SENP3: variants seen among roughly 807,000 people sequenced by gnomAD.
SENP3 encodes the protein sentrin-specific protease 3.
SENP3 carries 11 observed loss-of-function variants against 66.2 expected under a neutral mutation model. The ratio of observed to expected loss-of-function variants is 0.17; its 90% confidence interval spans 0.10 to 0.28. The LOEUF (loss-of-function observed/expected upper bound fraction) is 0.28. SENP3 is among the 10% of genes least tolerant of loss of function. The pLI, the probability that SENP3 is intolerant of heterozygous loss-of-function variation, is 1.00. For synonymous variants in SENP3, 292 were observed against 277.6 expected, an observed-to-expected ratio of 1.05 and a Z score of -0.52; for missense variants, 548 against 743.7, an observed-to-expected ratio of 0.74 and a Z score of 3.06.
rs1214801996 is a variant in SENP3, at chr17:7,563,476, C to A, written c.400C>A (p.Arg134=). The part of the protein sequence containing the change: ...QRRRRAMRAF[R]MLLYSKSTSL... ...CCGCCGCCGAGCCATGAGAGCCTTCCGGATGCTGCTCTACTCAAAAAGCAC... is the reference window on the plus strand; with the variant it reads ...CCGCCGCCGAGCCATGAGAGCCTTCAGGATGCTGCTCTACTCAAAAAGCAC... The change falls in exon 2 of 11, where the codon CGG becomes AGG. Residue 134 remains arginine, a synonymous_variant. Coordinates refer to ENST00000321337, the MANE Select transcript of SENP3 (RefSeq NM_015670.6). 1 of 1,550,170 alleles carries A rather than the reference C, an allele frequency of 6.5e-7. No individual in the cohort carries two copies. The highest frequency in any genetic ancestry group is 2.0e-5 in the Admixed American group (1 of 50,976).
At chr17:7,569,098 T>A (rs897490379) in intron 7 of SENP3, among the ~76,000 whole-genome samples, 1 of 152,028 alleles carries the variant, frequency 6.6e-6, no homozygotes, top group Admixed American at 6.6e-5. Flanking sequence ...AGAAGATTTG[T>A]TTTTTTGCCG....
chr17:7,564,454 A>G, intron 2 of SENP3, 171 bp from the exon 3 acceptor site: 1 of 875,214 alleles, frequency 1.1e-6, no homozygotes, highest in Non-Finnish European at 1.9e-6. Context: ...GGACATGTTT[A>G]TCTCATGCTT....
Position 7,570,379 on chromosome 17 carries a change from A to T in SENP3, c.1365A>T (p.Leu455=). 6.2e-7 allele frequency: 1 copy of T among 1,613,796 alleles called. No homozygotes were observed. Among genetic ancestry groups the T allele is most frequent in the African/African-American group, 1.3e-5 (1 of 75,036 alleles). The stretch of plus-strand genomic sequence containing the variant: ...AGGTGGACATCTTCAATAAGGAGCT[A>T]CTGCTAATCCCCATCCACCTGGAGG... The part of the protein sequence containing the change: ...TKNVDIFNKE[L]LLIPIHLEVH... The change falls in exon 8 of 11, where the codon CTA becomes CTT. Residue 455 remains leucine (L), a synonymous_variant. Coordinates refer to ENST00000321337, the MANE Select transcript of SENP3 (RefSeq NM_015670.6). The surrounding 1 kb of genome is among the most constrained non-coding windows in gnomAD (Gnocchi z 5.4).
In SENP3 at chr17:7,570,498, G is replaced by C. The variant is rs754506042; in HGVS notation, c.1479+5G>C. ...CTAAACCGCCGCTGCCCTAAGGTTT[G>C]AGGGGGTAGGAGAGAGATGGGCAAA... On this transcript the variant is annotated splice_donor_5th_base_variant and intron_variant, in intron 8 of 10. Coordinates refer to ENST00000321337, the MANE Select transcript of SENP3 (RefSeq NM_015670.6). This position sits in a 1 kb window ranked among gnomAD's most constrained non-coding sequence, Gnocchi z 5.4. 6.2e-7 allele frequency: 1 copy of C among 1,609,930 alleles called. No individual in the cohort carries two copies. Among genetic ancestry groups the C allele is most frequent in the Non-Finnish European group, 8.5e-7 (1 of 1,177,926 alleles).
chr17:7,563,140 C>T lies in SENP3; in HGVS notation c.64C>T (p.Pro22Ser), dbSNP rs1321024454. 6.5e-7 allele frequency: 1 copy of T among 1,541,248 alleles called. No individual in the cohort carries two copies. Among genetic ancestry groups the T allele is most frequent in the East Asian group, 2.3e-5 (1 of 44,302 alleles). The change falls in exon 2 of 11, where the codon CCA (proline) becomes TCA (serine). Residue 22 changes from proline (P) to serine (S), a missense_variant. Around this residue, in one of 6 missense-constraint regions of SENP3, gnomAD observed 164 missense variants for 167.9 expected, o/e 0.98. Transcript: ENST00000321337. ...TGAGCCTCCTGGACCCGGCATACCC[C>T]CAGCTTACTCAAGTCCCAGGCGGGA... Reference protein sequence around the residue: ...GPEPPGPGIPPAYSSPRRERL... With the variant: ...GPEPPGPGIPSAYSSPRRERL...
rs527778837 is a variant in SENP3 at position 7,567,515 on chromosome 17, G to A, written c.1341+511G>A. On this transcript the variant is annotated intron_variant, in intron 7 of 10. Coordinates refer to ENST00000321337, the MANE Select transcript of SENP3 (RefSeq NM_015670.6). ...GCCTGGGCAACAAGAGCAAAACTCC[G>A]TCTCAAAAAAAAAAAAAAATCACAG... Among the ~76,000 whole-genome samples, 18 of 147,760 alleles carry A rather than the reference G, an allele frequency of 1.2e-4. No individual in the cohort carries two copies. The South Asian group carries it at 3.0e-3, about 24-fold the overall frequency.
In SENP3 at chr17:7,562,847, A is replaced by G. The variant is rs898386707; in HGVS notation, c.-11-219A>G. 1.3e-5 allele frequency among the ~76,000 whole-genome samples: 2 copies of G among 152,098 alleles called. No homozygotes were observed. The highest frequency in any genetic ancestry group is 2.9e-5 in the Non-Finnish European group (2 of 68,008). ...GATCTCTGAGGCCTGCTGCTTAGCC[A>G]TTTTCCCTTGTCTCTGGACTGGGGA... On this transcript the variant is annotated intron_variant, in intron 1 of 10. Coordinates refer to ENST00000321337, the MANE Select transcript of SENP3 (RefSeq NM_015670.6). The surrounding 1 kb of genome is among the most constrained non-coding windows in gnomAD (Gnocchi z 5.0).
chr17:7,564,286 A>G (rs2071249921), intron 2 of SENP3: 1 of 432,848 alleles, frequency 2.3e-6, no homozygotes, highest in Admixed American at 3.5e-5. Flanking sequence ...TACATATTCT[A>G]GTATTCATTG....
At chr17:7,565,095 A>T (rs762443721) in intron 4 of SENP3, 25 bp downstream of exon 4, 16 of 1,528,776 alleles carry the variant, frequency 1.0e-5, no homozygotes, top group Non-Finnish European at 1.4e-5. Context: ...CCCTCCTTGA[A>T]AGAAGGGCTG....
intron 2 of SENP3, among the ~76,000 whole-genome samples, chr17:7,564,185 A>G (rs989215222): frequency 6.6e-6 from 1 of 152,222 alleles, no homozygotes; most frequent in African/African-American, 2.4e-5. Context: ...GATCTCTCCC[A>G]GTAGTGGAGT....
chr17:7,567,948 G>A (rs1473029262), intron 7 of SENP3, among the ~76,000 whole-genome samples: 1 of 151,978 alleles, frequency 6.6e-6, no homozygotes, highest in Non-Finnish European at 1.5e-5. Flanking sequence ...GTCCAGGTGA[G>A]AAACTTGAAC....
At chr17:7,564,449 T>C in intron 2 of SENP3, 176 bp from the exon 3 acceptor site, 1 of 841,712 alleles carries the variant, frequency 1.2e-6, no homozygotes, top group South Asian at 1.4e-5. Flanking sequence ...CTCTTGGACA[T>C]GTTTATCTCA....
At position 7,565,861 on chromosome 17, in the gene SENP3, G is replaced by A. The variant is rs1021333215; in HGVS notation, c.1263+97G>A. On this transcript the variant is annotated intron_variant, in intron 6 of 10. Transcript: ENST00000321337. ...ATCTCTTTCATTTTACACAGAGAGG[G>A]TCTCTGTTTCAGGGAGAGAGGTGGT... 6.5e-6 allele frequency: 7 copies of A among 1,069,442 alleles called. No individual in the cohort carries two copies. In the African/African-American group the frequency reaches 9.5e-5, roughly 14 times the overall value. 66.2% of individuals were successfully genotyped at this position (1,069,442 alleles called of 1,614,324 possible).
rs776289126 is a variant in SENP3, at chr17:7,571,467, G to A, written c.1709G>A (p.Cys570Tyr). Residue 570 changes from cysteine (C) to tyrosine (Y), a missense_variant, in exon 11 of 11, where the codon TGC (cysteine) becomes TAC (tyrosine). By Grantham distance (194) the Cys-to-Tyr change is radical. Around this residue, in one of 6 missense-constraint regions of SENP3, gnomAD observed 81 missense variants for 139.8 expected, o/e 0.58. Coordinates refer to ENST00000321337, the MANE Select transcript of SENP3 (RefSeq NM_015670.6). ...CAGATCTACAAGGAGCTGTGTCACT[G>A]CAAACTCACTGTGTGAGCCTCGTAC... ...RRQIYKELCH[C>Y]KLTV is the part of the protein sequence containing the mutation. The A allele has an allele frequency of 1.2e-6, 2 of 1,613,226 alleles. No homozygotes were observed. The highest frequency in any genetic ancestry group is 1.7e-6 in the Non-Finnish European group (2 of 1,179,390).
At position 7,571,837 on chromosome 17, in the gene SENP3, T is replaced by TTATTTATATATATATA. The variant is rs2071318927; in HGVS notation, c.*357_*358insTTATATATATATATAT. ...CACTGCCTGCCAGATCTTCAAACTTTTATATATATATATATATATATATAT... is the reference window on the plus strand; with the variant it reads ...CACTGCCTGCCAGATCTTCAAACTTTTATTTATATATATATATATATATATATATATATATATATAT... On this transcript the variant is annotated 3_prime_UTR_variant, in exon 11 of 11. Transcript: ENST00000321337. 3.3e-5 allele frequency: 1 copy of TTATTTATATATATATA among 30,476 alleles called. No homozygotes were observed. Among genetic ancestry groups the TTATTTATATATATATA allele is most frequent in the Non-Finnish European group, 6.1e-5 (1 of 16,298 alleles). 1.9% of individuals were successfully genotyped at this position (30,476 alleles called of 1,614,324 possible).
At chr17:7,566,583 T>G (rs1426749238) in intron 6 of SENP3, among the ~76,000 whole-genome samples, 2 of 151,088 alleles carry the variant, frequency 1.3e-5, no homozygotes, top group East Asian at 3.9e-4. Context: ...GGAGAATCGC[T>G]TGAACCCGGG....
intron 4 of SENP3, 69 bp downstream of exon 4, chr17:7,565,139 T>C: frequency 8.5e-7 from 1 of 1,176,046 alleles, no homozygotes; most frequent in Middle Eastern, 2.1e-4. Context: ...TACTGCTGCC[T>C]TTTCTTCCAT....
chr17:7,565,840 C>G, intron 6 of SENP3, 76 bp downstream of exon 6: 1 of 1,302,716 alleles, frequency 7.7e-7, no homozygotes, highest in South Asian at 1.2e-5. Flanking sequence ...CCTTTCATCT[C>G]TTTCATTTTA....
rs1381820164 is a variant in SENP3, at chr17:7,571,865, A to T, written c.*382A>T. 1 of 4,552 alleles carries T rather than the reference A, an allele frequency of 2.2e-4. No individual in the cohort carries two copies. The highest frequency in any genetic ancestry group is 6.6e-4 in the Non-Finnish European group (1 of 1,514). The allele number at this position is 4,552 out of a possible 1,614,324, so 0.3% of individuals were successfully genotyped here. On this transcript the variant is annotated 3_prime_UTR_variant, in exon 11 of 11. Transcript: ENST00000321337. ...TATATATATATATATATATATATAT[A>T]TATATATATATATATATATATATAT...
Sources: allele counts gnomAD v4.1 joint callset (sites outside exome capture counted in the v4.1 genomes callset), GRCh38; gene constraint gnomAD v4.1.1; regional missense constraint gnomAD v4.1.1; non-coding constraint Gnocchi (gnomAD v3.1); transcripts MANE v1.5; gene names NCBI Gene and HGNC (gene_info 2026-07-23, HGNC 2026-07-21).